The following DLGAP5 variants were observed in gnomAD, a reference collection of about 807,000 sequenced individuals.
DLGAP5 encodes disks large-associated protein 5.
A neutral mutation model predicts 99.6 loss-of-function variants in DLGAP5; 90 were observed. That is an observed-to-expected ratio of 0.90 (90% CI 0.76 to 1.08). The LOEUF is 1.08. Among genes scored for constraint, DLGAP5 ranks in the 50% least tolerant of loss-of-function variants. DLGAP5 has a pLI of 0.00. For missense variants in DLGAP5, 1,036 were observed against 983.5 expected, an observed-to-expected ratio of 1.05 and a Z score of -0.71; for synonymous variants, 311 against 321.3, an observed-to-expected ratio of 0.97 and a Z score of 0.34.
chr14:55,180,805 A>G (rs201160059), intron 5 of DLGAP5, 27 bp from the exon 6 acceptor site: 53 of 1,613,666 alleles, frequency 3.3e-5, no homozygotes, highest in Non-Finnish European at 5.9e-6. Context: ...TAACTACATC[A>G]AATGTCCCTT....
At chr14:55,183,521 A>G in intron 3 of DLGAP5, 39 bp downstream of exon 3, 1 of 1,469,510 alleles carries the variant, frequency 6.8e-7, no homozygotes, top group Non-Finnish European at 9.0e-7. Context: ...AATACCAAAT[A>G]AAAGAAACTA....
Position 55,151,897 on chromosome 14 carries a change from C to T in DLGAP5, c.2166G>A (p.Glu722=). ...CAGCAAGAAGAGGCAAACTCATTCT[C>T]TCACTGGATAAACAATCCACCTTCA... ...TDLKVDCLSS[E]RMSLPLLAGG... The change falls in exon 17 of 19, where the codon GAG becomes GAA. Residue 722 remains glutamate, a synonymous_variant. Coordinates refer to ENST00000247191, the MANE Select transcript of DLGAP5 (RefSeq NM_014750.5). 1 of 1,613,974 alleles carries T rather than the reference C, an allele frequency of 6.2e-7. No homozygotes were observed. Among genetic ancestry groups the T allele is most frequent in the Non-Finnish European group, 8.5e-7 (1 of 1,179,946 alleles).
intron 13 of DLGAP5, among the ~76,000 whole-genome samples, chr14:55,161,560 C>T (rs549635602): frequency 1.3e-5 from 2 of 151,060 alleles, no homozygotes; most frequent in South Asian, 4.2e-4. Flanking sequence ...CAGGCATGCG[C>T]CACCTCGCCC....
chr14:55,162,114 T>G (rs1335773177), intron 13 of DLGAP5, among the ~76,000 whole-genome samples: 1 of 151,856 alleles, frequency 6.6e-6, no homozygotes, highest in Non-Finnish European at 1.5e-5. Flanking sequence ...AACTTTGAAT[T>G]CAAAAACATT....
chr14:55,158,043 A>C (rs1566495575), intron 14 of DLGAP5, among the ~76,000 whole-genome samples: 1 of 152,252 alleles, frequency 6.6e-6, no homozygotes. Context: ...GATTATAGGC[A>C]TGAACCAACA....
rs151036101 is a variant in DLGAP5, at chr14:55,154,682, G to A, written c.1998C>T (p.Ala666=). 8.5e-5 allele frequency: 137 copies of A among 1,613,890 alleles called. No individual in the cohort carries two copies. The highest frequency in any genetic ancestry group is 1.1e-4 in the Non-Finnish European group (128 of 1,179,996). Residue 666 remains alanine (A), a synonymous_variant, in exon 15 of 19, where the codon GCC becomes GCT. Transcript: ENST00000247191. The part of the protein sequence containing the change: ...IPQQTTSPEN[A]GPQNTKSEHV... ...GTTCACTTTTCGTATTCTGAGGACC[G>A]GCATTTTCTGGTGATGTAGTTTGTT...
At chr14:55,181,170 G>A (rs1332638896) in intron 5 of DLGAP5, 43 bp downstream of exon 5, 21 of 1,558,256 alleles carry the variant, frequency 1.3e-5, no homozygotes, top group African/African-American at 2.7e-5. Flanking sequence ...AATTATGGCT[G>A]TGGTAGCCTC....
intron 1 of DLGAP5, 97 bp from the exon 2 acceptor site, chr14:55,189,277 G>T: frequency 1.2e-6 from 1 of 853,088 alleles, no homozygotes; most frequent in African/African-American, 1.7e-5. Context: ...AGGGCCTTCT[G>T]AAATAAAAAT....
chr14:55,172,499 G>T (rs1030420149), intron 10 of DLGAP5, among the ~76,000 whole-genome samples: 1 of 151,518 alleles, frequency 6.6e-6, no homozygotes, highest in Admixed American at 6.6e-5. Context: ...AAATTCTTAC[G>T]CTAGAAACAG....
intron 10 of DLGAP5, among the ~76,000 whole-genome samples, chr14:55,171,427 T>C (rs1466484886): frequency 1.3e-5 from 2 of 152,136 alleles, no homozygotes; most frequent in Non-Finnish European, 2.9e-5. Context: ...AATGCTAAGA[T>C]TGAGAAACCC....
At chr14:55,166,559 G>A (rs561765224) in intron 12 of DLGAP5, among the ~76,000 whole-genome samples, 27 of 151,636 alleles carry the variant, frequency 1.8e-4, no homozygotes, top group African/African-American at 4.8e-4. Flanking sequence ...GTGAAACCCC[G>A]TCTCTACTAA....
chr14:55,174,702 T>C lies in DLGAP5; in HGVS notation c.1301+644A>G, dbSNP rs12436757. ...ATATATATATGTATATAGATATATA[T>C]ATATTTTGAGATGGAGTCTCACTCT... On this transcript the variant is annotated intron_variant, in intron 10 of 18. Coordinates refer to ENST00000247191, the MANE Select transcript of DLGAP5 (RefSeq NM_014750.5). Among the ~76,000 whole-genome samples the C allele has an allele frequency of 3.9e-3, 587 of 151,594 alleles. 9 individuals are homozygous for C. The highest frequency in any genetic ancestry group is 0.03 in the Admixed American group (458 of 15,202).
intron 10 of DLGAP5, among the ~76,000 whole-genome samples, chr14:55,172,340 CAA>C (rs879341861): frequency 3.5e-4 from 34 of 98,260 alleles, no homozygotes; most frequent in Non-Finnish European, 5.0e-4. Flanking sequence ...AAAAAAAATA[CAA>C]AAAAAAAAAA....
intron 5 of DLGAP5, 91 bp from the exon 6 acceptor site, chr14:55,180,869 T>G: frequency 6.6e-7 from 1 of 1,507,670 alleles, no homozygotes; most frequent in Non-Finnish European, 9.1e-7. Flanking sequence ...ATGCCTGTAG[T>G]CCCAGCTACT....
chr14:55,158,316 TTAAAC>T (rs1046224955), intron 14 of DLGAP5, among the ~76,000 whole-genome samples: 4 of 152,232 alleles, frequency 2.6e-5, no homozygotes, highest in African/African-American at 9.6e-5. Context: ...CTTATCGCAC[TTAAAC>T]TAATCTGATC....
intron 12 of DLGAP5, among the ~76,000 whole-genome samples, chr14:55,163,888 G>T (rs1301836201): frequency 6.6e-6 from 1 of 152,154 alleles, no homozygotes; most frequent in African/African-American, 2.4e-5. Context: ...TTTCCTTCTT[G>T]CTGGGTTTTA....
At chr14:55,169,814 T>A (rs1882789317) in intron 11 of DLGAP5, among the ~76,000 whole-genome samples, 1 of 152,196 alleles carries the variant, frequency 6.6e-6, no homozygotes, top group Non-Finnish European at 1.5e-5. Flanking sequence ...TTGTTGTACT[T>A]TATAAGAACT....
intron 2 of DLGAP5, 85 bp downstream of exon 2, chr14:55,188,857 G>T: frequency 1.1e-6 from 1 of 938,626 alleles, no homozygotes; most frequent in Non-Finnish European, 1.6e-6. Context: ...AACTCTTCTG[G>T]CCAGAGTTTT....
At chr14:55,176,769 G>A (rs932636820) in intron 8 of DLGAP5, among the ~76,000 whole-genome samples, 4 of 151,828 alleles carry the variant, frequency 2.6e-5, no homozygotes, top group African/African-American at 9.7e-5. Flanking sequence ...ACGAGGTCAG[G>A]AGATCGAGAC....
Sources: gnomAD v4.1 joint callset for allele counts (sites outside exome capture counted in the v4.1 genomes callset) on GRCh38, gnomAD v4.1.1 for gene constraint, MANE v1.5 for transcripts, NCBI Gene and HGNC (gene_info 2026-07-23, HGNC 2026-07-21) for gene names.